Variants in TAFA2 observed in about 807,000 individuals in gnomAD.
The protein encoded by TAFA2 is chemokine-like protein TAFA-2.
TAFA2 carries 7 observed loss-of-function variants against 18.8 expected under a neutral mutation model. The ratio of observed to expected loss-of-function variants is 0.37; its 90% CI spans 0.21 to 0.70. The LOEUF (loss-of-function observed/expected upper bound fraction) is 0.70. Among genes scored for constraint, TAFA2 ranks in the 30% least tolerant of loss-of-function variants. The pLI is 0.53. For synonymous variants in TAFA2, 60 were observed against 54.2 expected (o/e 1.11, Z -0.47); for missense variants, 122 against 158.1 (o/e 0.77, Z 1.23).
At chr12:61,982,933 T>A (rs1213327307) in intron 1 of TAFA2, among the ~76,000 whole-genome samples, 1 of 147,254 alleles carries the variant, frequency 6.8e-6, no homozygotes, top group East Asian at 2.0e-4. Flanking sequence ...ATGCTTTTCA[T>A]ATATTTAAGA....
chr12:61,999,727 A>C (rs1370949886), intron 1 of TAFA2, among the ~76,000 whole-genome samples: 1 of 152,258 alleles, frequency 6.6e-6, no homozygotes, highest in East Asian at 1.9e-4. Context: ...GCATATCAGC[A>C]TTTAGCACAG....
chr12:62,135,422 T>G (rs1870856748), intron 1 of TAFA2, among the ~76,000 whole-genome samples: 1 of 152,088 alleles, frequency 6.6e-6, no homozygotes, highest in South Asian at 2.1e-4. Context: ...ATCGCAAGAT[T>G]GCCATCAGAT....
At chr12:62,011,174 C>G (rs914945388) in intron 1 of TAFA2, among the ~76,000 whole-genome samples, 1 of 150,988 alleles carries the variant, frequency 6.6e-6, no homozygotes, top group African/African-American at 2.4e-5. Flanking sequence ...TGCCTCTGCC[C>G]GGCTGCCCCG....
rs539268468 is a variant in TAFA2 at position 62,224,640 on chromosome 12, C to T, written c.-130+34123G>A. On this transcript the variant is annotated intron_variant, in intron 1 of 5. Coordinates refer to the TAFA2 transcript ENST00000551619. ...GGTGACACAAACATTTAGACCATAG[C>T]ACTGGAGTATTAAAATTCATAGACA... Among the ~76,000 whole-genome samples, 3 of 152,102 alleles carry T rather than the reference C, an allele frequency of 2.0e-5. No individual in the cohort carries two copies. In the South Asian group the frequency reaches 6.2e-4, roughly 32 times the overall value.
At chr12:62,014,903 CAA>C (rs34155945) in intron 1 of TAFA2, among the ~76,000 whole-genome samples, 7 of 150,198 alleles carry the variant, frequency 4.7e-5, no homozygotes, top group Non-Finnish European at 7.4e-5. Flanking sequence ...AGGCAACCTC[CAA>C]AAAAAAAGCC....
intron 1 of TAFA2, among the ~76,000 whole-genome samples, chr12:61,941,018 T>C (rs1436907820): frequency 6.6e-6 from 1 of 152,208 alleles, no homozygotes; most frequent in Non-Finnish European, 1.5e-5. Flanking sequence ...TTTTAAAACA[T>C]ATCTGATTCA....
intron 2 of TAFA2, chr12:61,776,095 G>A: frequency 2.3e-6 from 1 of 441,844 alleles, no homozygotes; most frequent in Non-Finnish European, 4.4e-6. Flanking sequence ...TGCTACCATG[G>A]CAAAACTGGA....
chr12:61,802,823 T>C (rs1485418539), intron 2 of TAFA2, among the ~76,000 whole-genome samples: 3 of 152,066 alleles, frequency 2.0e-5, no homozygotes, highest in Admixed American at 2.0e-4. Flanking sequence ...TTACACATTG[T>C]ATATATGTAT....
intron 1 of TAFA2, among the ~76,000 whole-genome samples, chr12:61,955,635 ATATATATATATATATATATAT>A (rs1878660673): frequency 3.2e-4 from 4 of 12,470 alleles, no homozygotes; most frequent in Non-Finnish European, 5.8e-4. Flanking sequence ...AAAAAAAAAT[ATATATATATATATATATATAT>A]ATATATATAT....
At chr12:61,941,573 TG>T (rs1878015917) in intron 1 of TAFA2, among the ~76,000 whole-genome samples, 1 of 152,120 alleles carries the variant, frequency 6.6e-6, no homozygotes, top group Non-Finnish European at 1.5e-5. Flanking sequence ...TGCCAGACAG[TG>T]GGCGCAGGCC....
chr12:62,093,933 C>T (rs1264820411), intron 1 of TAFA2, among the ~76,000 whole-genome samples: 1 of 151,998 alleles, frequency 6.6e-6, no homozygotes, highest in Non-Finnish European at 1.5e-5. Flanking sequence ...GCTCTGAAGG[C>T]AAGTCCCAAA....
intron 1 of TAFA2, among the ~76,000 whole-genome samples, chr12:62,233,241 C>T (rs191287402): frequency 5.3e-5 from 8 of 151,672 alleles, no homozygotes; most frequent in South Asian, 2.1e-4. Flanking sequence ...CCAACATGCC[C>T]GGCTAATTTT....
chr12:62,013,563 G>A (rs956056830), intron 1 of TAFA2, among the ~76,000 whole-genome samples: 1 of 152,118 alleles, frequency 6.6e-6, no homozygotes, highest in African/African-American at 2.4e-5. Flanking sequence ...ACAGCATGGT[G>A]GCTCTGTTGG....
intron 4 of TAFA2, among the ~76,000 whole-genome samples, chr12:61,741,587 T>C (rs1265302087): frequency 6.6e-6 from 1 of 152,034 alleles, no homozygotes; most frequent in African/African-American, 2.4e-5. Context: ...TCTGGTATCA[T>C]TGAGTGTTAG....
intron 1 of TAFA2, among the ~76,000 whole-genome samples, chr12:62,052,215 TGAGA>T: frequency 6.6e-6 from 1 of 151,202 alleles, no homozygotes; most frequent in Non-Finnish European, 1.5e-5. Context: ...CATGTGTGTG[TGAGA>T]GAGAGAGTCT....
At chr12:61,710,605 A>G (rs1203681073) in intron 4 of TAFA2, among the ~76,000 whole-genome samples, 188 bp from the exon 5 acceptor site, 7 of 152,114 alleles carry the variant, frequency 4.6e-5, no homozygotes, top group Non-Finnish European at 8.8e-5. Context: ...TTTTCTCATT[A>G]TCATCTCACA....
chr12:61,917,360 T>C (rs552267474), intron 1 of TAFA2, among the ~76,000 whole-genome samples: 1 of 152,336 alleles, frequency 6.6e-6, no homozygotes, highest in East Asian at 1.9e-4. Context: ...TAGTTCCCTT[T>C]AATAATAAGT....
At chr12:62,051,659 A>C (rs945654517) in intron 1 of TAFA2, among the ~76,000 whole-genome samples, 6 of 151,720 alleles carry the variant, frequency 4.0e-5, no homozygotes, top group African/African-American at 1.2e-4. Context: ...TCACCTGTCC[A>C]TGAGGAGAGA....
intron 1 of TAFA2, among the ~76,000 whole-genome samples, chr12:62,149,849 A>G (rs1441920412): frequency 6.6e-6 from 1 of 152,178 alleles, no homozygotes; most frequent in African/African-American, 2.4e-5. Context: ...TGATACAAGG[A>G]ACTGCAATAT....
Sources: allele counts gnomAD v4.1 joint callset (sites outside exome capture counted in the v4.1 genomes callset), GRCh38; gene constraint gnomAD v4.1.1; transcripts MANE v1.5; gene names NCBI Gene and HGNC (gene_info 2026-07-23, HGNC 2026-07-21).